The following THSD7B variants were observed in gnomAD, a reference collection of about 807,000 sequenced individuals.
THSD7B encodes thrombospondin type 1 domain containing 7B.
THSD7B carries 138 observed loss-of-function variants against 213.6 expected under a neutral mutation model. The ratio of observed to expected loss-of-function variants is 0.65; its 90% CI spans 0.56 to 0.74. The LOEUF (loss-of-function observed/expected upper bound fraction) is 0.74, where lower values mean the gene tolerates loss of function less well. THSD7B is among the 30% of genes least tolerant of loss of function. The pLI is 0.00. For synonymous variants in THSD7B, 742 were observed against 687.0 expected (o/e 1.08, Z -1.25); for missense variants, 1,931 against 1,991.5 (o/e 0.97, Z 0.58).
intron 15 of THSD7B, among the ~76,000 whole-genome samples, chr2:137,536,715 C>A (rs560983407): frequency 2.0e-5 from 3 of 151,182 alleles, no homozygotes; most frequent in African/African-American, 7.3e-5. Context: ...CATGTAATTA[C>A]AGGAAAACAA....
intron 12 of THSD7B, among the ~76,000 whole-genome samples, chr2:137,341,377 T>C (rs1319890970): frequency 1.3e-5 from 2 of 151,688 alleles, no homozygotes; most frequent in East Asian, 1.9e-4. Context: ...AAATATTTTT[T>C]CTTCATAGGT....
intron 14 of THSD7B, among the ~76,000 whole-genome samples, chr2:137,432,125 G>T (rs1687198330): frequency 6.6e-6 from 1 of 152,190 alleles, no homozygotes; most frequent in Non-Finnish European, 1.5e-5. Context: ...AGGCGCGGTG[G>T]CTCCTGCCTG....
At chr2:137,493,449 T>A (rs1170852430) in intron 15 of THSD7B, among the ~76,000 whole-genome samples, 1 of 152,152 alleles carries the variant, frequency 6.6e-6, no homozygotes, top group Non-Finnish European at 1.5e-5. Flanking sequence ...CTGTCTTCTG[T>A]TGTCCTAAGA....
intron 20 of THSD7B, among the ~76,000 whole-genome samples, chr2:137,622,567 T>C (rs1682540876): frequency 6.6e-6 from 1 of 151,852 alleles, no homozygotes; most frequent in Non-Finnish European, 1.5e-5. Context: ...ATCAACAAAA[T>C]TGATAGACAG....
chr2:137,067,876 G>C (rs1687410467), intron 3 of THSD7B, among the ~76,000 whole-genome samples: 1 of 151,998 alleles, frequency 6.6e-6, no homozygotes, highest in Non-Finnish European at 1.5e-5. Flanking sequence ...TATCTTCACT[G>C]TGAGAACCTG....
intron 7 of THSD7B, among the ~76,000 whole-genome samples, chr2:137,214,870 T>C (rs1211297558): frequency 1.3e-5 from 2 of 152,192 alleles, no homozygotes; most frequent in Non-Finnish European, 2.9e-5. Context: ...TCTTTGCTAT[T>C]GTGAATAGTG....
intron 2 of THSD7B, among the ~76,000 whole-genome samples, chr2:136,901,518 T>C (rs926089457): frequency 1.2e-4 from 19 of 152,352 alleles, no homozygotes; most frequent in African/African-American, 4.3e-4. Flanking sequence ...TAAAGGATGC[T>C]AATGAGATGA....
At chr2:136,778,670 A>G (rs1181322761) in intron 1 of THSD7B, among the ~76,000 whole-genome samples, 2 of 152,230 alleles carry the variant, frequency 1.3e-5, no homozygotes, top group African/African-American at 4.8e-5. Flanking sequence ...ATCTGTTTAC[A>G]CACAGTAGGT....
chr2:137,538,367 T>C (rs781556602), intron 15 of THSD7B: 2 of 391,734 alleles, frequency 5.1e-6, no homozygotes, highest in Admixed American at 3.4e-5. Context: ...TAATTTTGAA[T>C]GATCAGGGGA....
chr2:137,528,579 T>C (rs1415771200), intron 15 of THSD7B, among the ~76,000 whole-genome samples: 1 of 152,082 alleles, frequency 6.6e-6, no homozygotes, highest in Non-Finnish European at 1.5e-5. Flanking sequence ...CTGTTTGTAA[T>C]CATTATCATT....
At chr2:137,460,752 C>T (rs953966504) in intron 15 of THSD7B, among the ~76,000 whole-genome samples, 14 of 152,022 alleles carry the variant, frequency 9.2e-5, no homozygotes, top group African/African-American at 3.4e-4. Flanking sequence ...TCATTAGGTA[C>T]ACAACTCTAT....
intron 1 of THSD7B, among the ~76,000 whole-genome samples, chr2:136,818,101 T>C (rs1265058724): frequency 2.7e-5 from 4 of 148,562 alleles, no homozygotes; most frequent in African/African-American, 9.9e-5. Flanking sequence ...TGCACACGTA[T>C]GTTTATTGCG....
chr2:137,452,941 A>C (rs1264026398), intron 15 of THSD7B, among the ~76,000 whole-genome samples: 1 of 152,178 alleles, frequency 6.6e-6, no homozygotes, highest in African/African-American at 2.4e-5. Flanking sequence ...AAATTCAATA[A>C]GTAAAGGTAG....
intron 15 of THSD7B, among the ~76,000 whole-genome samples, chr2:137,486,706 C>T (rs528531167): frequency 6.6e-6 from 1 of 152,300 alleles, no homozygotes; most frequent in African/African-American, 2.4e-5. Flanking sequence ...GTCAGCACCA[C>T]ACCACACCTA....
chr2:137,293,988 C>A (rs2104836620), intron 12 of THSD7B, among the ~76,000 whole-genome samples: 1 of 152,222 alleles, frequency 6.6e-6, no homozygotes, highest in East Asian at 1.9e-4. Flanking sequence ...CCTAACCCTC[C>A]AGTACCTAAT....
At chr2:136,951,880 G>GT (rs1462296118) in intron 2 of THSD7B, among the ~76,000 whole-genome samples, 2 of 151,972 alleles carry the variant, frequency 1.3e-5, no homozygotes, top group Non-Finnish European at 2.9e-5. Context: ...GTTTGTTTTT[G>GT]TTTTTTTGAG....
At chr2:137,478,353 T>A (rs1017212590) in intron 15 of THSD7B, among the ~76,000 whole-genome samples, 1 of 152,288 alleles carries the variant, frequency 6.6e-6, no homozygotes, top group South Asian at 2.1e-4. Context: ...ATTGAGTCTG[T>A]TGTTGAAGAT....
At chr2:137,143,636 C>T (rs1679635780) in intron 5 of THSD7B, among the ~76,000 whole-genome samples, 1 of 152,104 alleles carries the variant, frequency 6.6e-6, no homozygotes, top group South Asian at 2.1e-4. Context: ...CACTTTCACA[C>T]TGTGTCTATT....
intron 2 of THSD7B, among the ~76,000 whole-genome samples, chr2:137,055,315 T>G (rs557033769): frequency 3.3e-5 from 5 of 152,324 alleles, no homozygotes; most frequent in East Asian, 3.9e-4. Context: ...AGTAATGAGA[T>G]TGCTGGGTTG....
Sources: allele counts gnomAD v4.1 joint callset (sites outside exome capture counted in the v4.1 genomes callset), GRCh38; gene constraint gnomAD v4.1.1; transcripts MANE v1.5; gene names NCBI Gene and HGNC (gene_info 2026-07-23, HGNC 2026-07-21).